GAK: variants seen among roughly 807,000 people sequenced by gnomAD.
GAK encodes the protein cyclin-G-associated kinase.
GAK carries 79 observed loss-of-function variants against 143.9 expected under a neutral mutation model. That is an observed-to-expected ratio of 0.55 (90% CI 0.46 to 0.66). GAK has a LOEUF of 0.66. Ranked by LOEUF, GAK falls within the 30% of genes least tolerant of loss-of-function variation. GAK has a pLI of 0.00. For missense variants in GAK, 1,693 were observed against 1,779.7 expected (o/e 0.95, Z 0.88); for synonymous variants, 881 against 765.5 (o/e 1.15, Z -2.49).
At chr4:850,822 C>T in intron 26 of GAK, 114 bp downstream of exon 26, 1 of 1,194,618 alleles carries the variant, frequency 8.4e-7, no homozygotes. Flanking sequence ...AGCAGATGCT[C>T]CAGGGGTGAA....
rs772475111 is a variant in GAK at position 866,433 on chromosome 4, C to T, written c.2974G>A (p.Val992Ile). ...GEFLNSDSVT[V>I]PPSFPSAHSA... ...TGGGCAGACGGGAAGGATGGTGGGA[C>T]GGTCACAGAGTCCGAATTGAGAAAT... Residue 992 changes from valine to isoleucine, a missense_variant, in exon 22 of 28, where the codon GTC (valine) becomes ATC (isoleucine). Val to Ile is a conservative substitution (Grantham distance 29). Transcript: ENST00000314167. The T allele has an allele frequency of 1.2e-5, 20 of 1,613,970 alleles. No individual in the cohort carries two copies. The African/African-American group carries it at 1.9e-4, about 15-fold the overall frequency.
At chr4:913,724 G>T in intron 1 of GAK, 56 bp from the exon 2 acceptor site, 1 of 1,423,444 alleles carries the variant, frequency 7.0e-7, no homozygotes, top group Non-Finnish European at 9.9e-7. Flanking sequence ...AACATATCAG[G>T]CTTTAAAAAT....
At position 883,330 on chromosome 4, in the gene GAK, G is replaced by A. The variant is rs757357349; in HGVS notation, c.1389C>T (p.Ser463=). The change falls in exon 13 of 28, where the codon TCC becomes TCT. Residue 463 remains serine, a synonymous_variant. Transcript: ENST00000314167. ...GGCCACACACCCGGTTGTGGAACCTGGAGGGCCGGTAGGTCCTCGGGGACA... is the reference window on the plus strand; with the variant it reads ...GGCCACACACCCGGTTGTGGAACCTAGAGGGCCGGTAGGTCCTCGGGGACA... ...YNLSPRTYRP[S]RFHNRVSECG... 4.0e-5 allele frequency: 64 copies of A among 1,613,308 alleles called. No individual in the cohort carries two copies. The highest frequency in any genetic ancestry group is 5.3e-5 in the Non-Finnish European group (62 of 1,179,976).
intron 23 of GAK, among the ~76,000 whole-genome samples, chr4:863,065 T>C (rs1164792683): frequency 1.3e-5 from 2 of 152,250 alleles, no homozygotes; most frequent in African/African-American, 2.4e-5. Flanking sequence ...TTCACCATTC[T>C]AGATGCCATT....
At chr4:872,664 G>A (rs541697856) in intron 18 of GAK, 1 of 152,610 alleles carries the variant, frequency 6.6e-6, no homozygotes, top group South Asian at 2.1e-4. Flanking sequence ...CCCAGAGGGA[G>A]TGCCGCTCAT....
rs1296802898 is a variant in GAK, at chr4:857,105, C to T, written c.3283+2501G>A. Reference sequence around the variant, plus strand: ...AATGGCAAAACCACAATTACTTTCGCAGCAACCTAAATAGATTTTGTTAAC... The same window carrying T: ...AATGGCAAAACCACAATTACTTTCGTAGCAACCTAAATAGATTTTGTTAAC... On this transcript the variant is annotated intron_variant, in intron 24 of 27. Coordinates refer to ENST00000314167, the MANE Select transcript of GAK (RefSeq NM_005255.4). Among the ~76,000 whole-genome samples the T allele has an allele frequency of 3.3e-5, 5 of 152,326 alleles. No homozygotes were observed. In the East Asian group the frequency reaches 9.6e-4, roughly 29 times the overall value.
chr4:906,818 G>A (rs748045619), intron 4 of GAK, among the ~76,000 whole-genome samples: 21 of 152,094 alleles, frequency 1.4e-4, no homozygotes, highest in Non-Finnish European at 2.5e-4. Flanking sequence ...TCTCCCCCAC[G>A]CTGCCAGAGC....
At chr4:882,579 G>A (rs1168347549) in intron 14 of GAK, 118 bp downstream of exon 14, 28 of 1,298,322 alleles carry the variant, frequency 2.2e-5, no homozygotes, top group Non-Finnish European at 2.7e-5. Flanking sequence ...ACTTTCTTCC[G>A]TGTCCCAGGG....
intron 9 of GAK, among the ~76,000 whole-genome samples, chr4:891,648 G>A (rs1273421252): frequency 2.0e-5 from 3 of 152,118 alleles, no homozygotes; most frequent in Admixed American, 6.5e-5. Context: ...TCTGCCCAGC[G>A]GCACCTCCTC....
chr4:901,070 T>C (rs1187951813), intron 5 of GAK, among the ~76,000 whole-genome samples: 3 of 152,196 alleles, frequency 2.0e-5, no homozygotes, highest in Non-Finnish European at 4.4e-5. Flanking sequence ...AAAATCTACG[T>C]GAAGACACCT....
At chr4:911,238 C>T (rs1407603720) in intron 4 of GAK, among the ~76,000 whole-genome samples, 2 of 151,952 alleles carry the variant, frequency 1.3e-5, no homozygotes, top group Admixed American at 1.3e-4. Context: ...CTGACAAGGA[C>T]GGACAGCAGC....
At chr4:889,609 C>A (rs991957793) in intron 10 of GAK, among the ~76,000 whole-genome samples, 2 of 152,212 alleles carry the variant, frequency 1.3e-5, no homozygotes. Flanking sequence ...GTGGGACCCA[C>A]ACTGCACGGA....
In GAK at chr4:851,605, C is replaced by T. The variant is rs530740058; in HGVS notation, c.3508+145G>A. 1,973 of 778,626 alleles carry T rather than the reference C, an allele frequency of 2.5e-3. 4 individuals carry two copies. The highest frequency in any genetic ancestry group is 3.8e-3 in the Non-Finnish European group (1,783 of 471,688). The allele number at this position is 778,626 out of a possible 1,614,324, so 48.2% of individuals were successfully genotyped here. Reference sequence around the variant, plus strand: ...CAGAGAGAGACCAGTGAACACACATCGGAAACCGCGTCGTTCTCTGAGTGG... The same window carrying T: ...CAGAGAGAGACCAGTGAACACACATTGGAAACCGCGTCGTTCTCTGAGTGG... On this transcript the variant is annotated intron_variant, in intron 25 of 27. Coordinates refer to ENST00000314167, the MANE Select transcript of GAK (RefSeq NM_005255.4).
intron 1 of GAK, among the ~76,000 whole-genome samples, chr4:924,093 G>A (rs1365336063): frequency 6.7e-6 from 1 of 149,912 alleles, no homozygotes; most frequent in African/African-American, 2.5e-5. Flanking sequence ...GCTGAGGCAG[G>A]AGAATTGTTT....
intron 1 of GAK, among the ~76,000 whole-genome samples, chr4:914,595 C>CCA (rs1722732611): frequency 3.1e-5 from 4 of 129,460 alleles, no homozygotes; most frequent in South Asian, 2.7e-4. Flanking sequence ...TGCACGGCCC[C>CCA]ACACACATAG....
chr4:882,896 G>A, intron 13 of GAK, 77 bp from the exon 14 acceptor site: 6 of 1,561,444 alleles, frequency 3.8e-6, no homozygotes, highest in Non-Finnish European at 5.2e-6. Context: ...GGGACAGCCT[G>A]CCTGCAGTGC....
chr4:897,881 G>C, intron 6 of GAK, 152 bp downstream of exon 6: 2 of 787,044 alleles, frequency 2.5e-6, no homozygotes, highest in Non-Finnish European at 3.8e-6. Context: ...CCCAGGAGGC[G>C]GAGGTTGCAG....
rs1308740970 is a variant in GAK at position 882,643 on chromosome 4, T to C, written c.1527+54A>G. The C allele has an allele frequency of 5.6e-6, 9 of 1,594,900 alleles. No homozygotes were observed. In the East Asian group the frequency reaches 6.7e-5, roughly 12 times the overall value. ...CGCTCAGATCCTGTTGAACTATGCA[T>C]GAAATAATGAACTTTGACAGAAGAC... On this transcript the variant is annotated intron_variant, in intron 14 of 27. Transcript: ENST00000314167.
At chr4:910,737 CCT>C (rs1258493274) in intron 4 of GAK, among the ~76,000 whole-genome samples, 3 of 145,230 alleles carry the variant, frequency 2.1e-5, no homozygotes, top group African/African-American at 5.1e-5. Flanking sequence ...TCTCCTCTCC[CCT>C]CTCTCCCTGC....
Sources: allele counts gnomAD v4.1 joint callset (sites outside exome capture counted in the v4.1 genomes callset), GRCh38; gene constraint gnomAD v4.1.1; transcripts MANE v1.5; gene names NCBI Gene and HGNC (gene_info 2026-07-23, HGNC 2026-07-21).